ADGRL3: variants seen among roughly 807,000 people sequenced by gnomAD.
ADGRL3 encodes calcium-independent alpha-latrotoxin receptor 3.
Under a neutral mutation model 153.5 loss-of-function variants are expected in ADGRL3, and 62 were observed. The observed-to-expected ratio is 0.40, with a 90% CI of 0.33 to 0.50. The LOEUF (loss-of-function observed/expected upper bound fraction) is 0.50. Among genes scored for constraint, ADGRL3 ranks in the 20% least tolerant of loss-of-function variants. The pLI, the probability that ADGRL3 is intolerant of heterozygous loss-of-function variation, is 0.47. For synonymous variants in ADGRL3, 710 were observed against 672.5 expected, an observed-to-expected ratio of 1.06 and a Z score of -0.86; for missense variants, 1,641 against 1,859.4, an observed-to-expected ratio of 0.88 and a Z score of 2.16.
chr4:61,525,854 C>T (rs998957360), intron 4 of ADGRL3, among the ~76,000 whole-genome samples: 1 of 151,986 alleles, frequency 6.6e-6, no homozygotes, highest in African/African-American at 2.4e-5. Flanking sequence ...TGAAGTTGGT[C>T]TTAGATATAT....
intron 1 of ADGRL3, among the ~76,000 whole-genome samples, chr4:61,223,928 TG>T (rs1345341817): frequency 6.6e-6 from 1 of 152,198 alleles, no homozygotes; most frequent in Admixed American, 6.6e-5. Context: ...ATTTGTTAAC[TG>T]CTTATTTTAA....
intron 4 of ADGRL3, among the ~76,000 whole-genome samples, chr4:61,555,862 C>T (rs930296912): frequency 6.6e-6 from 1 of 152,138 alleles, no homozygotes; most frequent in Admixed American, 6.5e-5. Flanking sequence ...ACTATCACTG[C>T]GCTGGTGGGA....
intron 1 of ADGRL3, among the ~76,000 whole-genome samples, chr4:61,282,003 A>G (rs997859239): frequency 6.6e-6 from 1 of 152,046 alleles, no homozygotes; most frequent in African/African-American, 2.4e-5. Context: ...TGTGGGAACT[A>G]TATCTAACTT....
intron 2 of ADGRL3, among the ~76,000 whole-genome samples, chr4:61,394,692 TAAAG>T (rs1038098300): frequency 2.0e-5 from 3 of 152,016 alleles, no homozygotes; most frequent in Non-Finnish European, 1.5e-5. Context: ...AAAAAAGAAA[TAAAG>T]AAATTGGATT....
At chr4:61,593,700 T>G (rs1020350782) in intron 5 of ADGRL3, among the ~76,000 whole-genome samples, 8 of 152,096 alleles carry the variant, frequency 5.3e-5, no homozygotes, top group African/African-American at 1.7e-4. Context: ...TTTGTTTCGG[T>G]TTGGTTTTTT....
chr4:61,567,903 C>G (rs920753196), intron 4 of ADGRL3, among the ~76,000 whole-genome samples: 3 of 152,110 alleles, frequency 2.0e-5, no homozygotes, highest in African/African-American at 7.2e-5. Context: ...TGTCTTCTCA[C>G]CATCTGAATA....
chr4:61,321,718 C>T (rs11131323), intron 1 of ADGRL3, among the ~76,000 whole-genome samples: 81,087 of 151,480 alleles, frequency 0.54, 22,588 homozygotes, highest in East Asian at 0.73. Context: ...CATGTCTAAA[C>T]GTAGAAAAGG....
intron 3 of ADGRL3, among the ~76,000 whole-genome samples, chr4:61,505,205 T>C (rs566098874): frequency 6.6e-6 from 1 of 152,314 alleles, no homozygotes; most frequent in Admixed American, 6.5e-5. Context: ...TGATTAGTGA[T>C]GTTGAGCATT....
intron 1 of ADGRL3, among the ~76,000 whole-genome samples, chr4:61,205,298 T>C (rs1267883450): frequency 6.6e-6 from 1 of 152,184 alleles, no homozygotes; most frequent in Non-Finnish European, 1.5e-5. Context: ...GTGGGGAGTT[T>C]TGGCCCAGAA....
chr4:61,909,439 A>C, intron 11 of ADGRL3, 121 bp from the exon 12 acceptor site: 1 of 652,696 alleles, frequency 1.5e-6, no homozygotes, highest in South Asian at 2.4e-5. Context: ...ATGAAGATGA[A>C]GTTTAACAAC....
intron 2 of ADGRL3, among the ~76,000 whole-genome samples, chr4:61,457,857 G>A (rs2097770914): frequency 6.9e-6 from 1 of 145,290 alleles, no homozygotes; most frequent in African/African-American, 2.6e-5. Context: ...ATGACAGATA[G>A]ATAGATAGAT....
chr4:62,015,573 C>G (rs1164884825), intron 21 of ADGRL3, among the ~76,000 whole-genome samples: 1 of 152,086 alleles, frequency 6.6e-6, no homozygotes, highest in African/African-American at 2.4e-5. Context: ...ATTTTTCTGC[C>G]TCCATTGAAT....
At chr4:61,846,151 A>T (rs1317399712) in intron 9 of ADGRL3, among the ~76,000 whole-genome samples, 2 of 151,874 alleles carry the variant, frequency 1.3e-5, no homozygotes, top group Non-Finnish European at 2.9e-5. Flanking sequence ...CCCCATCTCT[A>T]CAAAAGATTT....
intron 5 of ADGRL3, among the ~76,000 whole-genome samples, chr4:61,599,135 A>T (rs2149495097): frequency 6.6e-6 from 1 of 152,338 alleles, no homozygotes; most frequent in Non-Finnish European, 1.5e-5. Context: ...TAGGCTCAAC[A>T]AAGTATGGAC....
intron 5 of ADGRL3, among the ~76,000 whole-genome samples, chr4:61,608,099 A>G (rs1187635638): frequency 6.6e-6 from 1 of 152,270 alleles, no homozygotes; most frequent in Non-Finnish European, 1.5e-5. Flanking sequence ...AGGTGGTGGC[A>G]TTCCATAGGA....
intron 2 of ADGRL3, among the ~76,000 whole-genome samples, chr4:61,480,676 G>A (rs192760044): frequency 5.9e-4 from 89 of 152,102 alleles, no homozygotes; most frequent in Non-Finnish European, 8.8e-4. Context: ...CCAGCTACTC[G>A]GGAGACTGAG....
At chr4:61,889,219 T>C (rs1031029523) in intron 9 of ADGRL3, among the ~76,000 whole-genome samples, 1 of 152,198 alleles carries the variant, frequency 6.6e-6, no homozygotes, top group Admixed American at 6.5e-5. Flanking sequence ...GGCTTCTTGA[T>C]AGAAATAACA....
chr4:62,063,349 C>T (rs2151879011), intron 25 of ADGRL3, among the ~76,000 whole-genome samples: 1 of 151,990 alleles, frequency 6.6e-6, no homozygotes, highest in South Asian at 2.1e-4. Flanking sequence ...AATGTGTGCT[C>T]TAAGTGGCAT....
At chr4:61,766,200 C>T (rs1050217722) in intron 8 of ADGRL3, among the ~76,000 whole-genome samples, 7 of 151,792 alleles carry the variant, frequency 4.6e-5, no homozygotes, top group Admixed American at 6.6e-5. Flanking sequence ...CCAGGAACAA[C>T]GGTAATTGTG....
Sources: allele counts gnomAD v4.1 joint callset (sites outside exome capture counted in the v4.1 genomes callset), GRCh38; gene constraint gnomAD v4.1.1; transcripts MANE v1.5; gene names NCBI Gene and HGNC (gene_info 2026-07-23, HGNC 2026-07-21).